Variants in PPP4R1 observed in about 807,000 individuals in gnomAD.
PPP4R1 encodes the protein serine/threonine-protein phosphatase 4 regulatory subunit 1.
In PPP4R1, 42 loss-of-function variants were observed where a neutral mutation model predicts 111.2. That is an observed-to-expected ratio of 0.38 (90% CI 0.29 to 0.49). PPP4R1 has a LOEUF of 0.49. PPP4R1 is among the 20% of genes least tolerant of loss of function. The pLI, the probability that PPP4R1 is intolerant of heterozygous loss-of-function variation, is 0.97. For synonymous variants in PPP4R1, 409 were observed against 405.5 expected (o/e 1.01, Z -0.10); for missense variants, 1,012 against 1,161.6 (o/e 0.87, Z 1.87).
intron 12 of PPP4R1, among the ~76,000 whole-genome samples, chr18:9,562,707 CT>C (rs1478147817): frequency 6.6e-6 from 1 of 152,188 alleles, no homozygotes; most frequent in Admixed American, 6.5e-5. Flanking sequence ...TGCAGGTACT[CT>C]TTCCTGAGCT....
intron 3 of PPP4R1, 96 bp downstream of exon 3, chr18:9,594,922 T>C: frequency 7.0e-7 from 1 of 1,422,842 alleles, no homozygotes; most frequent in Non-Finnish European, 9.5e-7. Flanking sequence ...TGCCTGTTAA[T>C]AATACCTCCT....
intron 11 of PPP4R1, among the ~76,000 whole-genome samples, chr18:9,569,876 A>G (rs191953758): frequency 4.5e-4 from 68 of 152,048 alleles, no homozygotes; most frequent in Non-Finnish European, 7.5e-4. Context: ...CAGTTTCCCA[A>G]GTTGCTAGGA....
intron 6 of PPP4R1, among the ~76,000 whole-genome samples, 165 bp downstream of exon 6, chr18:9,587,924 C>G (rs1268757650): frequency 6.6e-6 from 1 of 151,976 alleles, no homozygotes; most frequent in South Asian, 2.1e-4. Flanking sequence ...ACCATATTGC[C>G]CAGGCTGGTC....
At chr18:9,555,613 A>T (rs2066560227) in intron 15 of PPP4R1, among the ~76,000 whole-genome samples, 2 of 152,182 alleles carry the variant, frequency 1.3e-5, no homozygotes, top group Admixed American at 1.3e-4. Context: ...AATACATGAC[A>T]ACCTACACAG....
At chr18:9,558,714 T>TAA (rs1568089011) in intron 14 of PPP4R1, among the ~76,000 whole-genome samples, 21 of 150,880 alleles carry the variant, frequency 1.4e-4, no homozygotes, top group African/African-American at 2.9e-4. Context: ...TTTTTTTTTT[T>TAA]AAATAACTGA....
rs374626907 is a variant in PPP4R1, at chr18:9,570,675, T to C, written c.1055A>G (p.Asp352Gly). 1.6e-5 allele frequency: 25 copies of C among 1,540,894 alleles called. No individual in the cohort carries two copies. In the African/African-American group the frequency reaches 2.2e-4, roughly 14 times the overall value. ...TTGTACATCCTCTGGGGCTTCTTGA[T>C]CTCTGGTCCTTTTATTGTTTTATTT... The part of the protein sequence containing the change: ...MSVENKNRTR[D>G]QEAPEDVQVR... Residue 352 changes from aspartate (D) to glycine (G), a missense_variant, in exon 11 of 20, where the codon GAT becomes GGT. Transcript: ENST00000400556.
intron 2 of PPP4R1, among the ~76,000 whole-genome samples, chr18:9,602,820 C>CAAAAAAAAAAA (rs536444961): frequency 6.9e-6 from 1 of 144,604 alleles, no homozygotes; most frequent in African/African-American, 2.7e-5. Context: ...GACACTGTCT[C>CAAAAAAAAAAA]AAAAAAAAAG....
chr18:9,611,003 C>T (rs956098833), intron 2 of PPP4R1, among the ~76,000 whole-genome samples: 6 of 152,002 alleles, frequency 3.9e-5, no homozygotes, highest in Non-Finnish European at 7.4e-5. Context: ...TGTACAGAGA[C>T]GGGATTAAAA....
intron 11 of PPP4R1, among the ~76,000 whole-genome samples, chr18:9,564,224 C>G (rs1342303661): frequency 6.6e-6 from 1 of 152,150 alleles, no homozygotes; most frequent in African/African-American, 2.4e-5. Flanking sequence ...TAAGATAAGG[C>G]ATTCTTCCTG....
In PPP4R1 at chr18:9,610,833, A is replaced by G. The variant is rs190825436; in HGVS notation, c.52+3393T>C. On this transcript the variant is annotated intron_variant, in intron 2 of 19. Coordinates refer to ENST00000400556, the MANE Select transcript of PPP4R1 (RefSeq NM_001042388.3). ...TTATAAGTTACTTGATAAAAGTTTA[A>G]GTTCTAATGAAACTCCTTCAATGAA... Among the ~76,000 whole-genome samples the G allele has an allele frequency of 2.0e-5, 3 of 151,692 alleles. No individual in the cohort carries two copies. In the East Asian group the frequency reaches 5.8e-4, roughly 29 times the overall value.
In PPP4R1 at chr18:9,614,208, CG is replaced by C. The variant is rs1337582482; in HGVS notation, c.52+17del. The C allele has an allele frequency of 7.4e-7, 1 of 1,357,682 alleles. No individual in the cohort carries two copies. Among genetic ancestry groups the C allele is most frequent in the Non-Finnish European group, 9.6e-7 (1 of 1,041,462 alleles). The allele number at this position is 1,357,682 out of a possible 1,614,324, so 84.1% of individuals were successfully genotyped here. A position where few individuals can be genotyped will look rare whatever the true frequency, so the allele number is the denominator to read the frequency against. ...CTCCCCGCGGACTGCCAGGCCACCG[CG>C]AGGCCGGGCCACTCACATCCGTCTG... On this transcript the variant is annotated intron_variant, in intron 2 of 19. Transcript: ENST00000400556. This position sits in a 1 kb window ranked among gnomAD's most constrained non-coding sequence, Gnocchi z 4.1.
rs771250874 is a variant in PPP4R1 at position 9,550,512 on chromosome 18, T to C, written c.2292-114A>G. On this transcript the variant is annotated intron_variant, in intron 16 of 19. Coordinates refer to ENST00000400556, the MANE Select transcript of PPP4R1 (RefSeq NM_001042388.3). ...GATTACTGAGCACCTGTCTCAAACA[T>C]ACGCAAAGAGGAGTGATTAAGCAGA... 9 of 1,238,254 alleles carry C rather than the reference T, an allele frequency of 7.3e-6. No homozygotes were observed. The Admixed American group carries it at 9.6e-5, about 13-fold the overall frequency. 76.7% of individuals were successfully genotyped at this position (1,238,254 alleles called of 1,614,324 possible). A position where few individuals can be genotyped will look rare whatever the true frequency, so the allele number is the denominator to read the frequency against.
In PPP4R1 at chr18:9,599,279, T is replaced by TA. The variant is rs749327027; in HGVS notation, c.53-4127dup. On this transcript the variant is annotated intron_variant, in intron 2 of 19. Transcript: ENST00000400556. Reference sequence around the variant, plus strand: ...TGAAGAGATACATATTACTTGAAGTTAGACTGTGGAAAGGTAAAAATGCAT... The same window carrying TA: ...TGAAGAGATACATATTACTTGAAGTTAAGACTGTGGAAAGGTAAAAATGCAT... Among the ~76,000 whole-genome samples, 78 of 152,294 alleles carry TA rather than the reference T, an allele frequency of 5.1e-4. 1 individual carries two copies. Among genetic ancestry groups the TA allele is most frequent in the South Asian group, 3.3e-3 (16 of 4,830 alleles).
Position 9,563,505 on chromosome 18 carries a change from T to C in PPP4R1, c.1619A>G (p.Asp540Gly), listed in dbSNP as rs2066711896. 6.2e-7 allele frequency: 1 copy of C among 1,608,546 alleles called. No individual in the cohort carries two copies. The highest frequency in any genetic ancestry group is 8.5e-7 in the Non-Finnish European group (1 of 1,175,926). ...LSAALRASSL[D>G]AHEETISIEK... ...TATACTGATGGTCTCTTCATGTGCATCCAGGCTGGAAGCACGTAGTGCAGC... is the reference window on the plus strand; with the variant it reads ...TATACTGATGGTCTCTTCATGTGCACCCAGGCTGGAAGCACGTAGTGCAGC... Residue 540 changes from aspartate to glycine, a missense_variant, in exon 12 of 20, where the codon GAT becomes GGT. Transcript: ENST00000400556.
At chr18:9,551,025 A>G (rs2066480164) in intron 16 of PPP4R1, 1 of 152,370 alleles carries the variant, frequency 6.6e-6, no homozygotes, top group Non-Finnish European at 1.5e-5. Context: ...ATTTCTAATA[A>G]GCAGAAAGTC....
intron 13 of PPP4R1, among the ~76,000 whole-genome samples, chr18:9,561,218 CTAATAATAATAATAATAATAATAA>C (rs111924050): frequency 4.1e-4 from 57 of 139,112 alleles, no homozygotes; most frequent in African/African-American, 1.2e-3. Flanking sequence ...GACTCCATCT[CTAATAATAATAATAATAATAATAA>C]TAATAATAAT....
At chr18:9,586,968 G>C (rs1445470675) in intron 6 of PPP4R1, among the ~76,000 whole-genome samples, 1 of 152,044 alleles carries the variant, frequency 6.6e-6, no homozygotes, top group Non-Finnish European at 1.5e-5. Flanking sequence ...TTTATGATGT[G>C]CGTAATGACT....
chr18:9,598,606 A>G (rs1165022648), intron 2 of PPP4R1, among the ~76,000 whole-genome samples: 3 of 152,190 alleles, frequency 2.0e-5, no homozygotes, highest in Non-Finnish European at 4.4e-5. Flanking sequence ...TCAGCCACAC[A>G]AAAACTGACA....
chr18:9,580,596 C>T (rs1192836754), intron 9 of PPP4R1, among the ~76,000 whole-genome samples: 13 of 152,110 alleles, frequency 8.5e-5, no homozygotes, highest in South Asian at 2.1e-4. Context: ...GTGATCCACC[C>T]GTCTCGGCCT....
Sources: gnomAD v4.1 joint callset for allele counts (sites outside exome capture counted in the v4.1 genomes callset) on GRCh38, gnomAD v4.1.1 for gene constraint, Gnocchi (gnomAD v3.1) non-coding constraint, MANE v1.5 for transcripts, NCBI Gene and HGNC (gene_info 2026-07-23, HGNC 2026-07-21) for gene names.